The following XYLT2 variants were observed in gnomAD, a reference collection of about 807,000 sequenced individuals.
XYLT2 encodes xylosyltransferase 2, also known as UDP-D-xylose:proteoglycan core protein beta-D-xylosyltransferase.
Under a neutral mutation model 82.6 loss-of-function variants are expected in XYLT2, and 37 were observed. That is an observed-to-expected ratio of 0.45 (90% CI 0.34 to 0.59). XYLT2 has a LOEUF of 0.59. Among genes scored for constraint, XYLT2 ranks in the 20% least tolerant of loss-of-function variants. The pLI, the probability that XYLT2 is intolerant of heterozygous loss-of-function variation, is 0.01. For missense variants in XYLT2, 934 were observed against 1,181.3 expected, an observed-to-expected ratio of 0.79 and a Z score of 3.07; for synonymous variants, 474 against 499.0, an observed-to-expected ratio of 0.95 and a Z score of 0.67.
intron 9 of XYLT2, 32 bp from the exon 10 acceptor site, chr17:50,358,175 A>C (rs773378869): frequency 4.6e-6 from 7 of 1,535,968 alleles, no homozygotes; most frequent in South Asian, 3.7e-5. Flanking sequence ...CCTTTCCCCC[A>C]CACTCCTGCC....
At position 50,358,249 on chromosome 17, in the gene XYLT2, T is replaced by C. The variant is rs750019676; in HGVS notation, c.1984T>C (p.Phe662Leu). The change falls in exon 10 of 11, where the codon TTT (phenylalanine) becomes CTT (leucine). Residue 662 changes from phenylalanine (F) to leucine (L), a missense_variant. Around this residue, in one of 3 missense-constraint regions of XYLT2, gnomAD observed 374 missense variants for 465.6 expected, o/e 0.80. Transcript: ENST00000017003. ...WDPKERLFRN[F>L]GGLLGPLDEP... is the part of the protein sequence containing the mutation. ...CCCCAAAGAGCGTCTTTTCCGGAAC[T>C]TTGGGGGGTTACTGGGGCCGCTGGA... 1.2e-6 allele frequency: 2 copies of C among 1,611,912 alleles called. No homozygotes were observed. Among genetic ancestry groups the C allele is most frequent in the Non-Finnish European group, 1.7e-6 (2 of 1,178,828 alleles).
At chr17:50,356,973 G>T (rs746858444) in intron 8 of XYLT2, 84 bp from the exon 9 acceptor site, 224 of 1,488,766 alleles carry the variant, frequency 1.5e-4, no homozygotes, top group Non-Finnish European at 2.0e-4. Context: ...CTGGGGATGG[G>T]ACTCCCCAGA....
At chr17:50,351,895 A>G (rs959998499) in intron 1 of XYLT2, among the ~76,000 whole-genome samples, 1 of 152,212 alleles carries the variant, frequency 6.6e-6, no homozygotes, top group Non-Finnish European at 1.5e-5. Context: ...TCAGAAACCC[A>G]GAGACTGAAA....
At position 50,356,648 on chromosome 17, in the gene XYLT2, C is replaced by G. The variant is rs761604809; in HGVS notation, c.1620C>G (p.Thr540=). The G allele has an allele frequency of 5.0e-6, 8 of 1,614,094 alleles. No individual in the cohort carries two copies. The highest frequency in any genetic ancestry group is 6.8e-6 in the Non-Finnish European group (8 of 1,180,030). The change falls in exon 8 of 11, where the codon ACC becomes ACG. Residue 540 remains threonine, a synonymous_variant. Transcript: ENST00000017003. ...TPALKAYWEN[T]YDAADGPSGL... The stretch of plus-strand genomic sequence containing the variant: ...CCCTCAAGGCCTACTGGGAGAACAC[C>G]TACGACGCGGCTGATGGCCCCAGTG...
At chr17:50,357,590 GTCT>G (rs1234896287) in intron 9 of XYLT2, 29 of 209,100 alleles carry the variant, frequency 1.4e-4, no homozygotes, top group Admixed American at 3.6e-4. Flanking sequence ...GCTCCTCATA[GTCT>G]TTTTTTTTTT....
Position 50,346,195 on chromosome 17 carries a change from G to T in XYLT2, c.55G>T (p.Ala19Ser). Reference protein sequence around the residue: ...KLVRRYKLAIATALAILLLQG... With the variant: ...KLVRRYKLAISTALAILLLQG... ...GGTGCGGCGCTACAAGCTGGCGATT[G>T]CCACGGCGCTGGCCATCCTGCTGCT... Residue 19 changes from alanine (A) to serine (S), a missense_variant, in exon 1 of 11, where the codon GCC becomes TCC. Transcript: ENST00000017003. This position sits in a 1 kb window ranked among gnomAD's most constrained non-coding sequence, Gnocchi z 5.1. 7.7e-7 allele frequency: 1 copy of T among 1,292,734 alleles called. No individual in the cohort carries two copies. Among genetic ancestry groups the T allele is most frequent in the Non-Finnish European group, 1.0e-6 (1 of 994,020 alleles). The allele number at this position is 1,292,734 out of a possible 1,614,324, so 80.1% of individuals were successfully genotyped here.
chr17:50,354,771 C>G (rs988673837), intron 3 of XYLT2, 83 bp from the exon 4 acceptor site: 6 of 1,586,578 alleles, frequency 3.8e-6, no homozygotes, highest in Non-Finnish European at 5.1e-6. Context: ...CTTTCCTCGT[C>G]TTGTGTCCCT....
At chr17:50,358,035 C>G in intron 9 of XYLT2, 172 bp from the exon 10 acceptor site, 1 of 625,828 alleles carries the variant, frequency 1.6e-6, no homozygotes, top group Non-Finnish European at 2.8e-6. Context: ...AATCTCAGAG[C>G]TGGGAGAGAT....
chr17:50,357,253 G>A lies in XYLT2; in HGVS notation c.1941+1G>A. On this transcript the variant is annotated splice_donor_variant, in intron 9 of 10. Coordinates refer to ENST00000017003, the MANE Select transcript of XYLT2 (RefSeq NM_022167.4). LOFTEE classifies it high-confidence loss of function. ...GGCCAGCCGGCTCCAGAGTCTGGAG[G>A]TGGGACAGGTCCCCCACTTGCTTTC... The A allele has an allele frequency of 6.3e-7, 1 of 1,580,214 alleles. No individual in the cohort carries two copies. Among genetic ancestry groups the A allele is most frequent in the Non-Finnish European group, 8.6e-7 (1 of 1,165,684 alleles).
intron 3 of XYLT2, 135 bp from the exon 4 acceptor site, chr17:50,354,719 C>T (rs982515646): frequency 2.2e-5 from 34 of 1,517,870 alleles, no homozygotes; most frequent in East Asian, 2.1e-4. Flanking sequence ...AGTGGCAGCA[C>T]GAGCCAGCTC....
At position 50,360,920 on chromosome 17, in the gene XYLT2, G is replaced by A; in HGVS notation, c.*629G>A. On this transcript the variant is annotated 3_prime_UTR_variant, in exon 11 of 11. Transcript: ENST00000017003. ...GTAGCCAGGGGACCCTAGAAGTGGG[G>A]TGGGGCGGCTCCAGGGCTTTCCAGC... 2.0e-6 allele frequency: 2 copies of A among 985,976 alleles called. No individual in the cohort carries two copies. The highest frequency in any genetic ancestry group is 2.4e-6 in the Non-Finnish European group (2 of 830,080). The allele number at this position is 985,976 out of a possible 1,614,324, so 61.1% of individuals were successfully genotyped here. A position where few individuals can be genotyped will look rare whatever the true frequency, so the allele number is the denominator to read the frequency against.
intron 1 of XYLT2, among the ~76,000 whole-genome samples, chr17:50,351,073 G>A (rs1246686283): frequency 6.6e-6 from 1 of 152,158 alleles, no homozygotes; most frequent in Non-Finnish European, 1.5e-5. Flanking sequence ...TCCTGTAAGG[G>A]CCTTGGTTTT....
intron 1 of XYLT2, among the ~76,000 whole-genome samples, chr17:50,350,107 T>C (rs1180665486): frequency 1.3e-4 from 18 of 135,764 alleles, no homozygotes; most frequent in Admixed American, 1.1e-3. Context: ...CGCTTGAACC[T>C]GGGAGGCAAA....
chr17:50,353,795 A>G lies in XYLT2; in HGVS notation c.301A>G (p.Ser101Gly). ...PVAKVVRAVTSRQRASRRVPP... is the reference protein window; with the variant it reads ...PVAKVVRAVTGRQRASRRVPP... ...GGCCAAGGTGGTACGGGCAGTAACC[A>G]GCCGGCAGAGAGCCAGCCGGCGGGT... Residue 101 changes from serine (S) to glycine (G), a missense_variant, in exon 2 of 11, where the codon AGC becomes GGC. This residue lies in a region of XYLT2 where 371 missense variants were observed against 394.9 expected (regional missense o/e 0.94). Transcript: ENST00000017003. The G allele has an allele frequency of 6.4e-7, 1 of 1,567,186 alleles. No homozygotes were observed.
intron 1 of XYLT2, among the ~76,000 whole-genome samples, chr17:50,349,706 T>G (rs1666666261): frequency 6.6e-6 from 1 of 152,164 alleles, no homozygotes; most frequent in Non-Finnish European, 1.5e-5. Flanking sequence ...GTTCCTGATG[T>G]GCCCATACTG....
Position 50,360,841 on chromosome 17 carries a change from A to G in XYLT2, c.*550A>G. On this transcript the variant is annotated 3_prime_UTR_variant, in exon 11 of 11. Coordinates refer to ENST00000017003, the MANE Select transcript of XYLT2 (RefSeq NM_022167.4). ...CCCTGCCAGGCTCTAAGGCCCGAAG[A>G]ACAGGTGATATCGGGGGCGCTGCAG... The G allele has an allele frequency of 1.0e-6, 1 of 985,902 alleles. No individual in the cohort carries two copies. The highest frequency in any genetic ancestry group is 1.2e-6 in the Non-Finnish European group (1 of 829,990). The allele number at this position is 985,902 out of a possible 1,614,324, so 61.1% of individuals were successfully genotyped here.
intron 1 of XYLT2, among the ~76,000 whole-genome samples, chr17:50,347,836 G>C (rs531241467): frequency 6.6e-6 from 1 of 152,330 alleles, no homozygotes; most frequent in Admixed American, 6.5e-5. Context: ...GGGAAGGTGA[G>C]TGCTGAAGCT....
chr17:50,348,404 T>C (rs1337372532), intron 1 of XYLT2, among the ~76,000 whole-genome samples: 1 of 152,112 alleles, frequency 6.6e-6, no homozygotes, highest in African/African-American at 2.4e-5. Flanking sequence ...GTGTGGTGCT[T>C]TCCCTGAAAG....
At position 50,346,986 on chromosome 17, in the gene XYLT2, AG is replaced by A; in HGVS notation, c.135+714del. ...ATTAGGGAGGGGCCCTCTGGCTTTAAGGGAATGGGGACTGTAACAGAGCCCC... is the reference window on the plus strand; with the variant it reads ...ATTAGGGAGGGGCCCTCTGGCTTTAAGGAATGGGGACTGTAACAGAGCCCC... On this transcript the variant is annotated intron_variant, in intron 1 of 10. Coordinates refer to ENST00000017003, the MANE Select transcript of XYLT2 (RefSeq NM_022167.4). This position sits in a 1 kb window ranked among gnomAD's most constrained non-coding sequence, Gnocchi z 5.1. The A allele has an allele frequency of 2.1e-6, 2 of 965,914 alleles. No homozygotes were observed. Among genetic ancestry groups the A allele is most frequent in the Non-Finnish European group, 2.5e-6 (2 of 812,276 alleles). The allele number at this position is 965,914 out of a possible 1,614,324, so 59.8% of individuals were successfully genotyped here.
Sources: allele counts gnomAD v4.1 joint callset (sites outside exome capture counted in the v4.1 genomes callset), GRCh38; gene constraint gnomAD v4.1.1; regional missense constraint gnomAD v4.1.1; non-coding constraint Gnocchi (gnomAD v3.1); transcripts MANE v1.5; gene names NCBI Gene and HGNC (gene_info 2026-07-23, HGNC 2026-07-21).